The following CSMD3 variants were observed in gnomAD, a reference collection of about 807,000 sequenced individuals.
CSMD3 encodes the protein CUB and Sushi multiple domains 3, also known as CUB and sushi domain-containing protein 3.
Under a neutral mutation model 435.2 loss-of-function variants are expected in CSMD3, and 177 were observed. The ratio of observed to expected loss-of-function variants is 0.41; its 90% CI spans 0.36 to 0.46. CSMD3 has a LOEUF of 0.46. Ranked by LOEUF, CSMD3 falls within the 20% of genes least tolerant of loss-of-function variation. The pLI is 0.34. For synonymous variants in CSMD3, 1,656 were observed against 1,520.5 expected (o/e 1.09, Z -2.07); for missense variants, 4,265 against 4,504.6 (o/e 0.95, Z 1.52).
At position 113,253,234 on chromosome 8, in the gene CSMD3, CT is replaced by C. The variant is rs200318989; in HGVS notation, c.514+25357del. ...AAGTTAGCTGACAAAAAAAAACTGA[CT>C]TTTTTTTTTAATCTTTAAGTTCTAG... On this transcript the variant is annotated intron_variant, in intron 3 of 70. Transcript: ENST00000297405. 2.2e-4 allele frequency among the ~76,000 whole-genome samples: 32 copies of C among 148,282 alleles called. No homozygotes were observed. In the East Asian group the frequency reaches 3.8e-3, roughly 17 times the overall value.
intron 32 of CSMD3, among the ~76,000 whole-genome samples, chr8:112,430,454 C>T (rs532080205): frequency 2.1e-4 from 32 of 152,028 alleles, no homozygotes; most frequent in African/African-American, 7.0e-4. Flanking sequence ...GAAGCATGTG[C>T]GAATCCTCAA....
chr8:112,462,820 C>T (rs190052406), intron 32 of CSMD3, among the ~76,000 whole-genome samples: 2 of 152,316 alleles, frequency 1.3e-5, no homozygotes, highest in African/African-American at 4.8e-5. Context: ...ATTAGGTCAC[C>T]TGAGTGCTGC....
chr8:113,430,970 G>A lies in CSMD3; in HGVS notation c.178+5707C>T, dbSNP rs191118182. 1.7e-3 allele frequency among the ~76,000 whole-genome samples: 257 copies of A among 152,262 alleles called. 2 individuals carry two copies. The highest frequency in any genetic ancestry group is 5.6e-3 in the African/African-American group (233 of 41,548). ...TGCAAGTCTGGGGCCTTAAGAGAAG[G>A]AAAGGTGATCATCAGCATTGTGGCT... On this transcript the variant is annotated intron_variant, in intron 1 of 70. Transcript: ENST00000297405.
At chr8:112,909,242 G>T (rs1246607955) in intron 10 of CSMD3, among the ~76,000 whole-genome samples, 1 of 151,306 alleles carries the variant, frequency 6.6e-6, no homozygotes, top group East Asian at 2.0e-4. Context: ...ACTCCAAATT[G>T]GTTCAGAGCA....
In CSMD3 at chr8:112,311,137, G is replaced by A. The variant is rs369267074; in HGVS notation, c.7726C>T (p.Pro2576Ser). Reference protein sequence around the residue: ...AFYCSTPESPPHGYIISQTGG... With the variant: ...AFYCSTPESPSHGYIISQTGG... ...GTCTGACTGATAATATATCCATGAG[G>A]TGGGGATTCTGGTGTACTACAGTAG... The change falls in exon 50 of 71, where the codon CCT becomes TCT. Residue 2576 changes from proline (P) to serine (S), a missense_variant. Pro to Ser is a moderately conservative substitution (Grantham distance 74). This residue lies in a region of CSMD3 where 3,255 missense variants were observed against 3,380.2 expected (regional missense o/e 0.96). Coordinates refer to ENST00000297405, the MANE Select transcript of CSMD3 (RefSeq NM_198123.2). The A allele has an allele frequency of 6.2e-7, 1 of 1,613,906 alleles. No individual in the cohort carries two copies. The highest frequency in any genetic ancestry group is 2.2e-5 in the East Asian group (1 of 44,866).
At chr8:112,514,337 C>T (rs910441437) in intron 28 of CSMD3, among the ~76,000 whole-genome samples, 1 of 152,152 alleles carries the variant, frequency 6.6e-6, no homozygotes, top group Admixed American at 6.5e-5. Context: ...ATATACTCAA[C>T]TTTAAATAGC....
At chr8:112,490,665 T>A (rs1475980738) in intron 31 of CSMD3, among the ~76,000 whole-genome samples, 1 of 152,180 alleles carries the variant, frequency 6.6e-6, no homozygotes, top group African/African-American at 2.4e-5. Context: ...TTATTTTGAA[T>A]CTGGCTCCTG....
At chr8:113,322,892 C>T (rs1160634679) in intron 1 of CSMD3, among the ~76,000 whole-genome samples, 1 of 151,938 alleles carries the variant, frequency 6.6e-6, no homozygotes, top group East Asian at 1.9e-4. Context: ...ATTACAGGTG[C>T]CCGCCACCAT....
chr8:112,353,219 C>T (rs747649582), intron 38 of CSMD3, among the ~76,000 whole-genome samples: 26 of 151,932 alleles, frequency 1.7e-4, no homozygotes, highest in Admixed American at 3.9e-4. Context: ...GGTCAAACCC[C>T]GTCTCTACTA....
At chr8:112,517,404 T>G (rs1308773684) in intron 27 of CSMD3, among the ~76,000 whole-genome samples, 179 bp from the exon 28 acceptor site, 1 of 152,178 alleles carries the variant, frequency 6.6e-6, no homozygotes. Flanking sequence ...AAAAGTGGCA[T>G]AGTATTTTAG....
intron 1 of CSMD3, among the ~76,000 whole-genome samples, chr8:113,429,713 C>A (rs1234060245): frequency 1.3e-5 from 2 of 152,078 alleles, no homozygotes; most frequent in Non-Finnish European, 2.9e-5. Context: ...TTGGTGCCAT[C>A]TGAGCTAACT....
intron 31 of CSMD3, among the ~76,000 whole-genome samples, chr8:112,478,449 G>A (rs900042336): frequency 2.0e-5 from 3 of 152,204 alleles, no homozygotes; most frequent in Admixed American, 6.5e-5. Context: ...TGGAAATGAG[G>A]AAGTCATTGG....
At chr8:112,305,978 A>C (rs1821383824) in intron 51 of CSMD3, 29 bp downstream of exon 51, 2 of 1,583,144 alleles carry the variant, frequency 1.3e-6, no homozygotes, top group Non-Finnish European at 8.7e-7. Context: ...AGAGAAAAAC[A>C]AGTGATGAAA....
chr8:113,137,777 C>T (rs746659460), intron 4 of CSMD3, among the ~76,000 whole-genome samples: 1 of 151,514 alleles, frequency 6.6e-6, no homozygotes, highest in Non-Finnish European at 1.5e-5. Flanking sequence ...GACCACACCT[C>T]CCAATATTGT....
intron 5 of CSMD3, among the ~76,000 whole-genome samples, chr8:113,030,837 T>A (rs993324633): frequency 6.6e-6 from 1 of 151,010 alleles, no homozygotes. Context: ...AAGAAAAAAA[T>A]TCACAAAATA....
chr8:112,343,225 A>T (rs553645836), intron 41 of CSMD3, among the ~76,000 whole-genome samples: 1 of 151,918 alleles, frequency 6.6e-6, no homozygotes, highest in Admixed American at 6.6e-5. Flanking sequence ...TTATAATGAG[A>T]TTATTGAAAC....
At chr8:113,291,466 A>G (rs1281982568) in intron 2 of CSMD3, among the ~76,000 whole-genome samples, 5 of 151,894 alleles carry the variant, frequency 3.3e-5, no homozygotes, top group African/African-American at 1.2e-4. Context: ...TGAAAAGCTA[A>G]TAAAGTTTCT....
At chr8:112,595,157 G>C (rs888690406) in intron 22 of CSMD3, among the ~76,000 whole-genome samples, 6 of 148,892 alleles carry the variant, frequency 4.0e-5, no homozygotes, top group Non-Finnish European at 6.0e-5. Context: ...AACCAATACA[G>C]AGAAGTGCTT....
At chr8:112,541,778 A>T (rs1826688842) in intron 27 of CSMD3, among the ~76,000 whole-genome samples, 1 of 151,992 alleles carries the variant, frequency 6.6e-6, no homozygotes, top group Admixed American at 6.6e-5. Flanking sequence ...TTTCCAAATT[A>T]ATTTTGTAAA....
Sources: gnomAD v4.1 joint callset for allele counts (sites outside exome capture counted in the v4.1 genomes callset) on GRCh38, gnomAD v4.1.1 for gene constraint, gnomAD v4.1.1 regional missense constraint, MANE v1.5 for transcripts, NCBI Gene and HGNC (gene_info 2026-07-23, HGNC 2026-07-21) for gene names.